Variants in PTPN14 observed in about 807,000 individuals in gnomAD.
PTPN14 encodes the protein tyrosine-protein phosphatase non-receptor type 14.
PTPN14 carries 53 observed loss-of-function variants against 126.8 expected under a neutral mutation model. The ratio of observed to expected loss-of-function variants is 0.42; its 90% CI spans 0.34 to 0.53. The LOEUF is 0.53. Among genes scored for constraint, PTPN14 ranks in the 20% least tolerant of loss-of-function variants. The pLI, the probability that PTPN14 is intolerant of heterozygous loss-of-function variation, is 0.08. For missense variants in PTPN14, 1,257 were observed against 1,552.9 expected, an observed-to-expected ratio of 0.81 and a Z score of 3.20; for synonymous variants, 630 against 599.3, an observed-to-expected ratio of 1.05 and a Z score of -0.75.
At chr1:214,515,310 T>G (rs1438838332) in intron 1 of PTPN14, among the ~76,000 whole-genome samples, 1 of 150,946 alleles carries the variant, frequency 6.6e-6, no homozygotes, top group African/African-American at 2.4e-5. Flanking sequence ...AGGCACTTAT[T>G]TTTTTTTTAA....
chr1:214,361,968 C>T lies in PTPN14; in HGVS notation c.3435+2544G>A, dbSNP rs1325388445. Reference sequence around the variant, plus strand: ...GGGACAAGTCCAGGAAAAAGAAAGGCCATTTCATTGACAGAATTAAAACTG... The same window carrying T: ...GGGACAAGTCCAGGAAAAAGAAAGGTCATTTCATTGACAGAATTAAAACTG... On this transcript the variant is annotated intron_variant, in intron 18 of 18. Coordinates refer to ENST00000366956, the MANE Select transcript of PTPN14 (RefSeq NM_005401.5). Among the ~76,000 whole-genome samples, 4 of 152,108 alleles carry T rather than the reference C, an allele frequency of 2.6e-5. No individual in the cohort carries two copies. The East Asian group carries it at 7.7e-4, about 29-fold the overall frequency.
chr1:214,411,795 A>C, intron 4 of PTPN14, 44 bp from the exon 5 acceptor site: 1 of 1,301,416 alleles, frequency 7.7e-7, no homozygotes, highest in Non-Finnish European at 1.1e-6. Flanking sequence ...ATTATATGAA[A>C]TTAAAGATGG....
chr1:214,422,750 A>G (rs1397956357), intron 3 of PTPN14, among the ~76,000 whole-genome samples: 2 of 152,162 alleles, frequency 1.3e-5, no homozygotes, highest in Non-Finnish European at 2.9e-5. Flanking sequence ...ATAAAAATCA[A>G]CAAATGAAAG....
intron 2 of PTPN14, among the ~76,000 whole-genome samples, chr1:214,453,832 T>A (rs1225362649): frequency 6.6e-6 from 1 of 152,056 alleles, no homozygotes; most frequent in Non-Finnish European, 1.5e-5. Context: ...TTAAAAGATG[T>A]AAGGAAAAAA....
chr1:214,539,304 T>C (rs1655783180), intron 1 of PTPN14, among the ~76,000 whole-genome samples: 1 of 152,162 alleles, frequency 6.6e-6, no homozygotes, highest in African/African-American at 2.4e-5. Flanking sequence ...CTAAAATGAA[T>C]TTAGCTTTGA....
At chr1:214,516,863 G>A (rs951468285) in intron 1 of PTPN14, among the ~76,000 whole-genome samples, 2 of 152,042 alleles carry the variant, frequency 1.3e-5, no homozygotes, top group African/African-American at 4.8e-5. Context: ...CCACTTGATA[G>A]CAATTCCTGT....
rs1657733694 is a variant in PTPN14 at position 214,352,986 on chromosome 1, CAG to C, written c.*4934_*4935del. On this transcript the variant is annotated 3_prime_UTR_variant, in exon 19 of 19. Coordinates refer to ENST00000366956, the MANE Select transcript of PTPN14 (RefSeq NM_005401.5). Reference sequence around the variant, plus strand: ...GAAATGTCTTACTCTAGGAGCTCCACAGAGTTATTTCTGACACTGAGTAAGAA... The same window carrying C: ...GAAATGTCTTACTCTAGGAGCTCCACAGTTATTTCTGACACTGAGTAAGAA... 3 of 152,152 alleles carry C rather than the reference CAG, an allele frequency of 2.0e-5. No individual in the cohort carries two copies. In the South Asian group the frequency reaches 6.2e-4, roughly 32 times the overall value. 9.4% of individuals were successfully genotyped at this position (152,152 alleles called of 1,614,324 possible).
chr1:214,489,546 G>A (rs1014523461), intron 1 of PTPN14, among the ~76,000 whole-genome samples: 1 of 152,254 alleles, frequency 6.6e-6, no homozygotes, highest in East Asian at 1.9e-4. Flanking sequence ...TTCCAGGAAA[G>A]TTCTCTAAAT....
chr1:214,470,614 C>T (rs867201133), intron 1 of PTPN14, among the ~76,000 whole-genome samples: 5 of 151,874 alleles, frequency 3.3e-5, no homozygotes, highest in South Asian at 2.1e-4. Context: ...AAAACCCCAT[C>T]GCTACTAAAA....
intron 3 of PTPN14, among the ~76,000 whole-genome samples, chr1:214,419,767 A>G (rs1183438531): frequency 6.6e-6 from 1 of 152,198 alleles, no homozygotes; most frequent in Non-Finnish European, 1.5e-5. Flanking sequence ...TTAAAATCTT[A>G]GATTGACAGA....
intron 3 of PTPN14, among the ~76,000 whole-genome samples, chr1:214,427,878 A>G (rs1255629547): frequency 6.6e-6 from 1 of 152,182 alleles, no homozygotes; most frequent in African/African-American, 2.4e-5. Flanking sequence ...GGCTTTCAGG[A>G]GAGCTAGTGT....
intron 1 of PTPN14, among the ~76,000 whole-genome samples, chr1:214,508,806 T>C (rs1654902346): frequency 6.6e-6 from 1 of 152,250 alleles, no homozygotes; most frequent in African/African-American, 2.4e-5. Flanking sequence ...GGTTGCTGAA[T>C]GGATGCTGTG....
Position 214,383,351 on chromosome 1 carries a change from G to A in PTPN14, c.2504C>T (p.Ser835Phe), listed in dbSNP as rs1030908546. ...VKERPVSEMF[S>F]LEDSIIEREM... ...TCTCTCTATAATGCTGTCTTCCAGG[G>A]AAAACATTTCAGACACAGGTCTCTC... Residue 835 changes from serine (S) to phenylalanine (F), a missense_variant, in exon 13 of 19, where the codon TCC becomes TTC. By Grantham distance (155) the Ser-to-Phe change is radical (BLOSUM62 -2). This residue lies in a region of PTPN14 where 1,021 missense variants were observed against 1,183.3 expected (regional missense o/e 0.86). Coordinates refer to ENST00000366956, the MANE Select transcript of PTPN14 (RefSeq NM_005401.5). This position sits in a 1 kb window ranked among gnomAD's most constrained non-coding sequence, Gnocchi z 4.4. The A allele has an allele frequency of 5.0e-6, 8 of 1,614,026 alleles. No homozygotes were observed. The Admixed American group carries it at 1.2e-4, about 24-fold the overall frequency.
intron 1 of PTPN14, among the ~76,000 whole-genome samples, chr1:214,550,807 G>A (rs1571666165): frequency 6.6e-6 from 1 of 152,302 alleles, no homozygotes; most frequent in East Asian, 1.9e-4. Context: ...CCGCGACGTC[G>A]TTCGTCTTTC....
chr1:214,358,075 A>T, intron 18 of PTPN14, 25 bp from the exon 19 acceptor site: 2 of 1,610,592 alleles, frequency 1.2e-6, no homozygotes, highest in Non-Finnish European at 8.5e-7. Flanking sequence ...AGAAAGCACA[A>T]GGTCCTGAGA....
intron 12 of PTPN14, among the ~76,000 whole-genome samples, chr1:214,386,480 G>A (rs758609277): frequency 2.0e-5 from 3 of 152,174 alleles, no homozygotes; most frequent in Non-Finnish European, 4.4e-5. Context: ...CGTGTTCTAC[G>A]TCACCATGAA....
chr1:214,424,025 C>T (rs946514449), intron 3 of PTPN14, among the ~76,000 whole-genome samples: 1 of 144,266 alleles, frequency 6.9e-6, no homozygotes, highest in African/African-American at 2.6e-5. Flanking sequence ...TGGCCGGGCA[C>T]GGTGGCTCAT....
At chr1:214,386,131 C>T (rs1029637251) in intron 12 of PTPN14, among the ~76,000 whole-genome samples, 1 of 152,172 alleles carries the variant, frequency 6.6e-6, no homozygotes, top group African/African-American at 2.4e-5. Context: ...ATTAATCTCT[C>T]TGTATTCCAA....
Position 214,383,448 on chromosome 1 carries a change from A to G in PTPN14, c.2407T>C (p.Ser803Pro), listed in dbSNP as rs1336197428. 3.7e-6 allele frequency: 6 copies of G among 1,614,008 alleles called. No homozygotes were observed. The highest frequency in any genetic ancestry group is 1.3e-5 in the African/African-American group (1 of 74,908). Residue 803 changes from serine to proline, a missense_variant, in exon 13 of 19, where the codon TCT becomes CCT. By Grantham distance (74) the Ser-to-Pro change is moderately conservative. Around this residue, in one of 3 missense-constraint regions of PTPN14, gnomAD observed 1,021 missense variants for 1,183.3 expected, o/e 0.86. Transcript: ENST00000366956. This position sits in a 1 kb window ranked among gnomAD's most constrained non-coding sequence, Gnocchi z 4.4. ...GGTTCCGAGATGGATGGGCCGAGAG[A>G]GGCCCCGTTGACAGCCGGCGGGTCA... is the stretch of plus-strand genomic sequence containing the variant. ...RTDPPAVNGA[S>P]LGPSISEPDL...
Sources: gnomAD v4.1 joint callset for allele counts (sites outside exome capture counted in the v4.1 genomes callset) on GRCh38, gnomAD v4.1.1 for gene constraint, gnomAD v4.1.1 regional missense constraint, Gnocchi (gnomAD v3.1) non-coding constraint, MANE v1.5 for transcripts, NCBI Gene and HGNC (gene_info 2026-07-23, HGNC 2026-07-21) for gene names.